Variants in ATP9B observed in about 807,000 individuals in gnomAD.
ATP9B encodes ATPase phospholipid transporting 9B, also known as probable phospholipid-transporting ATPase IIB.
A neutral mutation model predicts 146.1 loss-of-function variants in ATP9B; 110 were observed. The ratio of observed to expected loss-of-function variants is 0.75; its 90% confidence interval spans 0.65 to 0.88. The LOEUF is 0.88. ATP9B is among the 40% of genes least tolerant of loss of function. The probability of loss-of-function intolerance (pLI) is 0.00; values close to 1 mark genes in which losing one functional copy is unlikely to be tolerated. For missense variants in ATP9B, 1,499 were observed against 1,496.4 expected (o/e 1.00, Z -0.03); for synonymous variants, 604 against 569.7 (o/e 1.06, Z -0.86).
Position 79,199,476 on chromosome 18 carries a change from A to G in ATP9B, c.954+6213A>G, listed in dbSNP as rs562335972. On this transcript the variant is annotated intron_variant, in intron 9 of 29. Transcript: ENST00000426216. ...AAACTTTTTTTTGTTAAAAACAAAG[A>G]CACAGCTGGGCGTGGTGGCTCACGC... Among the ~76,000 whole-genome samples, 32 of 152,236 alleles carry G rather than the reference A, an allele frequency of 2.1e-4. 1 individual carries two copies. The South Asian group carries it at 6.5e-3, about 31-fold the overall frequency.
chr18:79,219,623 G>A (rs538098807), intron 11 of ATP9B, among the ~76,000 whole-genome samples: 3 of 152,248 alleles, frequency 2.0e-5, no homozygotes, highest in South Asian at 4.1e-4. Flanking sequence ...AATATTTCAA[G>A]TCTATCAGTA....
At chr18:79,359,713 A>G (rs1056692765) in intron 26 of ATP9B, 1 of 452,162 alleles carries the variant, frequency 2.2e-6, no homozygotes, top group Non-Finnish European at 4.1e-6. Flanking sequence ...AATATCATAC[A>G]TACAATTAGA....
intron 11 of ATP9B, among the ~76,000 whole-genome samples, chr18:79,220,687 C>G (rs1405274215): frequency 6.6e-6 from 1 of 152,168 alleles, no homozygotes; most frequent in African/African-American, 2.4e-5. Flanking sequence ...TTCACATTTT[C>G]TAGGTTTATC....
intron 4 of ATP9B, among the ~76,000 whole-genome samples, chr18:79,113,714 C>T (rs909284627): frequency 6.6e-6 from 1 of 152,188 alleles, no homozygotes; most frequent in Non-Finnish European, 1.5e-5. Context: ...CTGTTACTCT[C>T]TTCACACCCT....
rs573970315 is a variant in ATP9B, at chr18:79,377,890, G to T, written c.*507G>T. On this transcript the variant is annotated 3_prime_UTR_variant, in exon 30 of 30. Transcript: ENST00000426216. ...CGATGGCCTCTTCCTCTTAAGTGTG[G>T]GGCCTCACCCCTGCTTTTCTTTCTT... is the stretch of plus-strand genomic sequence containing the variant. 4.1e-4 allele frequency: 64 copies of T among 155,904 alleles called. No individual in the cohort carries two copies. Among genetic ancestry groups the T allele is most frequent in the Non-Finnish European group, 7.7e-4 (54 of 70,184 alleles). 9.7% of individuals were successfully genotyped at this position (155,904 alleles called of 1,614,324 possible). A position where few individuals can be genotyped will look rare whatever the true frequency, so the allele number is the denominator to read the frequency against.
intron 5 of ATP9B, among the ~76,000 whole-genome samples, chr18:79,131,140 G>A (rs1010633941): frequency 6.6e-6 from 1 of 151,896 alleles, no homozygotes. Context: ...CAGCCTGGGC[G>A]AAAGAGCAAG....
intron 11 of ATP9B, among the ~76,000 whole-genome samples, chr18:79,229,122 G>C (rs1388049824): frequency 6.6e-6 from 1 of 152,190 alleles, no homozygotes; most frequent in Non-Finnish European, 1.5e-5. Context: ...TAATGTTACT[G>C]TTGGTGCTGA....
intron 11 of ATP9B, among the ~76,000 whole-genome samples, chr18:79,244,428 C>T (rs1212292066): frequency 6.6e-6 from 1 of 152,080 alleles, no homozygotes; most frequent in Non-Finnish European, 1.5e-5. Context: ...AGAAACGCAT[C>T]AACTAATTTT....
intron 29 of ATP9B, chr18:79,376,069 A>C: frequency 1.0e-6 from 1 of 985,082 alleles, no homozygotes. Flanking sequence ...GGCCGGGCTC[A>C]GAGCCTCTAA....
At chr18:79,161,833 G>A (rs900276213) in intron 7 of ATP9B, among the ~76,000 whole-genome samples, 17 of 152,088 alleles carry the variant, frequency 1.1e-4, no homozygotes, top group South Asian at 2.1e-4. Flanking sequence ...GTGACAGAGC[G>A]AGACTCCGTC....
Position 79,069,454 on chromosome 18 carries a change from C to T in ATP9B, c.44C>T (p.Ala15Val), listed in dbSNP as rs2071428641. Residue 15 changes from alanine (A) to valine (V), a missense_variant, in exon 1 of 30, where the codon GCG becomes GTG. Transcript: ENST00000426216. The stretch of plus-strand genomic sequence containing the variant: ...CTTTACCCGGTGCGTAGCGCAGCGG[C>T]GGCCGCAGCCAACCGCAAACGCGCG... The part of the protein sequence containing the change: ...IPLYPVRSAA[A>V]AAANRKRAAY... 2 of 1,511,590 alleles carry T rather than the reference C, an allele frequency of 1.3e-6. No individual in the cohort carries two copies. The highest frequency in any genetic ancestry group is 1.8e-6 in the Non-Finnish European group (2 of 1,133,214). 93.6% of individuals were successfully genotyped at this position (1,511,590 alleles called of 1,614,324 possible).
chr18:79,232,753 G>A (rs890116788), intron 11 of ATP9B, among the ~76,000 whole-genome samples: 3 of 152,162 alleles, frequency 2.0e-5, no homozygotes, highest in African/African-American at 4.8e-5. Flanking sequence ...TCGCGAAAAC[G>A]GAGAGATAAC....
chr18:79,126,802 A>C (rs1568232193), intron 5 of ATP9B, among the ~76,000 whole-genome samples: 1 of 152,252 alleles, frequency 6.6e-6, no homozygotes, highest in Non-Finnish European at 1.5e-5. Flanking sequence ...TGAACAACAG[A>C]AATAAATATC....
intron 11 of ATP9B, among the ~76,000 whole-genome samples, chr18:79,248,173 T>A (rs1455092241): frequency 1.3e-5 from 2 of 152,222 alleles, no homozygotes; most frequent in African/African-American, 2.4e-5. Flanking sequence ...CACTTAAGGC[T>A]TAGTAGTTCA....
intron 15 of ATP9B, among the ~76,000 whole-genome samples, chr18:79,322,453 A>G (rs1035708174): frequency 6.6e-6 from 1 of 152,216 alleles, no homozygotes; most frequent in African/African-American, 2.4e-5. Flanking sequence ...GGGCACGGTC[A>G]GGCAGCTTCC....
intron 4 of ATP9B, among the ~76,000 whole-genome samples, chr18:79,123,545 A>G (rs937603265): frequency 6.6e-6 from 1 of 152,054 alleles, no homozygotes; most frequent in Non-Finnish European, 1.5e-5. Context: ...ATGTTTTTAA[A>G]TGTTTTTGCA....
At position 79,377,505 on chromosome 18, in the gene ATP9B, G is replaced by T; in HGVS notation, c.*122G>T. 3.0e-6 allele frequency: 4 copies of T among 1,325,350 alleles called. No individual in the cohort carries two copies. The highest frequency in any genetic ancestry group is 3.1e-6 in the Non-Finnish European group (3 of 976,158). The allele number at this position is 1,325,350 out of a possible 1,614,324, so 82.1% of individuals were successfully genotyped here. A position where few individuals can be genotyped will look rare whatever the true frequency, so the allele number is the denominator to read the frequency against. On this transcript the variant is annotated 3_prime_UTR_variant, in exon 30 of 30. Coordinates refer to ENST00000426216, the MANE Select transcript of ATP9B (RefSeq NM_198531.5). ...AAGCAAGCACCACAAGAAAGGGAGGGTACGCCAGGCGAGCCCAGGGCACAG... is the reference window on the plus strand; with the variant it reads ...AAGCAAGCACCACAAGAAAGGGAGGTTACGCCAGGCGAGCCCAGGGCACAG...
intron 9 of ATP9B, among the ~76,000 whole-genome samples, chr18:79,195,707 C>T (rs1243247106): frequency 6.6e-6 from 1 of 152,124 alleles, no homozygotes; most frequent in Non-Finnish European, 1.5e-5. Context: ...CTCAGGAGAA[C>T]ACTGAACGTG....
intron 13 of ATP9B, among the ~76,000 whole-genome samples, chr18:79,278,275 C>T (rs895438141): frequency 1.3e-5 from 2 of 152,172 alleles, no homozygotes; most frequent in Non-Finnish European, 2.9e-5. Context: ...CGACTTGATG[C>T]GACTTTGATC....
Sources: allele counts gnomAD v4.1 joint callset (sites outside exome capture counted in the v4.1 genomes callset), GRCh38; gene constraint gnomAD v4.1.1; transcripts MANE v1.5; gene names NCBI Gene and HGNC (gene_info 2026-07-23, HGNC 2026-07-21).